Variants in CCNA1 observed in about 807,000 individuals in gnomAD.
CCNA1 encodes the protein cyclin A1, also known as cyclin-A1.
Under a neutral mutation model 54.1 loss-of-function variants are expected in CCNA1, and 23 were observed. The observed-to-expected ratio is 0.42, with a 90% CI of 0.31 to 0.60. The LOEUF is 0.60. CCNA1 is among the 20% of genes least tolerant of loss of function. The pLI, the probability that CCNA1 is intolerant of heterozygous loss-of-function variation, is 0.14. For synonymous variants in CCNA1, 208 were observed against 213.9 expected (o/e 0.97, Z 0.24); for missense variants, 450 against 556.7 (o/e 0.81, Z 1.93).
intron 4 of CCNA1, 63 bp downstream of exon 4, chr13:36,438,254 A>T (rs2055832061): frequency 1.4e-6 from 2 of 1,477,974 alleles, no homozygotes; most frequent in African/African-American, 1.4e-5. Flanking sequence ...AAGATAAATT[A>T]TAAACTCTTG....
At chr13:36,439,934 G>C (rs774303787) in intron 5 of CCNA1, 45 bp from the exon 6 acceptor site, 1 of 1,375,044 alleles carries the variant, frequency 7.3e-7, no homozygotes, top group Non-Finnish European at 1.0e-6. Context: ...CAGGAGTAGA[G>C]CCAAAGGTTC....
Position 36,441,134 on chromosome 13 carries a change from G to A in CCNA1, c.1115G>A (p.Ser372Asn), listed in dbSNP as rs767692772. The change falls in exon 7 of 9, where the codon AGT becomes AAT. Residue 372 changes from serine to asparagine, a missense_variant. By Grantham distance (46) the Ser-to-Asn change is conservative. This residue lies in a region of CCNA1 where 150 missense variants were observed against 219.7 expected (regional missense o/e 0.68). Transcript: ENST00000255465. ...TGTGCTTAGTACGTAGCAGAGCTGA[G>A]TCTACTTGAAGCAGATCCATTCTTG... 1.3e-5 allele frequency: 21 copies of A among 1,604,744 alleles called. No individual in the cohort carries two copies. Among genetic ancestry groups the A allele is most frequent in the Non-Finnish European group, 1.8e-5 (21 of 1,172,260 alleles).
At chr13:36,436,695 A>G (rs2055809502) in intron 2 of CCNA1, among the ~76,000 whole-genome samples, 3 of 152,102 alleles carry the variant, frequency 2.0e-5, no homozygotes, top group South Asian at 2.1e-4. Context: ...TTTCCCCCCA[A>G]TTACTACCAT....
Position 36,432,518 on chromosome 13 carries a change from A to G in CCNA1, c.-104A>G. 2 of 664,658 alleles carry G rather than the reference A, an allele frequency of 3.0e-6. No homozygotes were observed. Among genetic ancestry groups the G allele is most frequent in the Non-Finnish European group, 5.2e-6 (2 of 382,670 alleles). 41.2% of individuals were successfully genotyped at this position (664,658 alleles called of 1,614,324 possible). A position where few individuals can be genotyped will look rare whatever the true frequency, so the allele number is the denominator to read the frequency against. The stretch of plus-strand genomic sequence containing the variant: ...CCAGTTGTTCCGGACACATAGAAAG[A>G]TAACGACGGGAAGAGCGGGGCCCGC... On this transcript the variant is annotated 5_prime_UTR_variant, in exon 1 of 9. Transcript: ENST00000255465.
At chr13:36,439,332 AAG>A (rs2055847837) in intron 5 of CCNA1, among the ~76,000 whole-genome samples, 1 of 152,156 alleles carries the variant, frequency 6.6e-6, no homozygotes, top group Non-Finnish European at 1.5e-5. Context: ...TGTGTGGGAA[AAG>A]AGAGCTGGGT....
chr13:36,435,245 T>G (rs920396587), intron 2 of CCNA1, among the ~76,000 whole-genome samples: 4 of 152,226 alleles, frequency 2.6e-5, no homozygotes, highest in Admixed American at 2.0e-4. Context: ...TGAGAGTTTG[T>G]CGTATCTTGA....
intron 2 of CCNA1, among the ~76,000 whole-genome samples, chr13:36,435,220 T>G (rs548250300): frequency 3.9e-5 from 6 of 152,246 alleles, no homozygotes; most frequent in Non-Finnish European, 7.3e-5. Context: ...CTATCCCATT[T>G]AAAGCCACAT....
At chr13:36,440,311 A>G (rs2055860368) in intron 6 of CCNA1, 128 bp downstream of exon 6, 2 of 813,132 alleles carry the variant, frequency 2.5e-6, no homozygotes, top group Non-Finnish European at 3.9e-6. Flanking sequence ...AAACTGTTCC[A>G]GTGCTGAAAA....
At position 36,433,182 on chromosome 13, in the gene CCNA1, G is replaced by A. The variant is rs1404690352; in HGVS notation, c.258G>A (p.Leu86=). The A allele has an allele frequency of 8.1e-6, 13 of 1,613,724 alleles. No homozygotes were observed. The highest frequency in any genetic ancestry group is 1.1e-5 in the Non-Finnish European group (13 of 1,179,882). ...CCCCGCAGAGGACAGTGCTAGGGCTGCTAACTGCAAATGGGCAGTACAGGA... is the reference window on the plus strand; with the variant it reads ...CCCCGCAGAGGACAGTGCTAGGGCTACTAACTGCAAATGGGCAGTACAGGA... Residue 86 remains leucine, a synonymous_variant, in exon 2 of 9, where the codon CTG becomes CTA. Transcript: ENST00000255465.
intron 8 of CCNA1, 79 bp from the exon 9 acceptor site, chr13:36,442,535 G>A (rs2055887724): frequency 1.4e-6 from 2 of 1,446,432 alleles, no homozygotes; most frequent in African/African-American, 1.4e-5. Flanking sequence ...TAAAACTACT[G>A]GAAAGTTTTC....
Position 36,441,213 on chromosome 13 carries a change from T to C in CCNA1, c.1194T>C (p.Thr398=). ...CAGCTTTTTGCCTGGCAAACTATAC[T>C]GTGAACAAGCACTTTTGGGTAAGAT... is the stretch of plus-strand genomic sequence containing the variant. Residue 398 remains threonine, a synonymous_variant, in exon 7 of 9, where the codon ACT becomes ACC. Transcript: ENST00000255465. 6.2e-7 allele frequency: 1 copy of C among 1,604,936 alleles called. No homozygotes were observed. The highest frequency in any genetic ancestry group is 1.1e-5 in the South Asian group (1 of 90,724).
chr13:36,439,715 G>T (rs893326697), intron 5 of CCNA1, among the ~76,000 whole-genome samples: 8 of 152,106 alleles, frequency 5.3e-5, no homozygotes, highest in African/African-American at 1.7e-4. Flanking sequence ...TGTATCACAG[G>T]CCCAAACCTA....
At chr13:36,439,773 A>G (rs887100039) in intron 5 of CCNA1, among the ~76,000 whole-genome samples, 16 of 152,192 alleles carry the variant, frequency 1.1e-4, no homozygotes, top group Middle Eastern at 3.2e-3. Context: ...AGCAGTAAAT[A>G]TAACCTATCC....
rs574534617 is a variant in CCNA1, at chr13:36,440,258, C to T, written c.1098+75C>T. On this transcript the variant is annotated intron_variant, in intron 6 of 8. Coordinates refer to ENST00000255465, the MANE Select transcript of CCNA1 (RefSeq NM_003914.4). ...AAATCAACCTTTCCCAATCATCCTTCAGTTCTTTTTTCCTTTTCAGTTTTC... is the reference window on the plus strand; with the variant it reads ...AAATCAACCTTTCCCAATCATCCTTTAGTTCTTTTTTCCTTTTCAGTTTTC... 121 of 1,275,328 alleles carry T rather than the reference C, an allele frequency of 9.5e-5. 1 individual carries two copies. The African/African-American group carries it at 1.6e-3, about 17-fold the overall frequency. The allele number at this position is 1,275,328 out of a possible 1,614,324, so 79.0% of individuals were successfully genotyped here.
intron 2 of CCNA1, among the ~76,000 whole-genome samples, chr13:36,435,464 G>A (rs1165849887): frequency 6.6e-6 from 1 of 152,174 alleles, no homozygotes; most frequent in Non-Finnish European, 1.5e-5. Flanking sequence ...TTCCTCGACT[G>A]ATCAGCATTA....
intron 5 of CCNA1, among the ~76,000 whole-genome samples, chr13:36,439,663 G>A (rs1364761475): frequency 6.6e-6 from 1 of 152,166 alleles, no homozygotes; most frequent in Non-Finnish European, 1.5e-5. Context: ...TGTAGAATGT[G>A]TAGGAATTTA....
Position 36,439,992 on chromosome 13 carries a change from A to C in CCNA1, c.907A>C (p.Ile303Leu). Reference sequence around the variant, plus strand: ...TTCCTTTCCCAGGAAATATGAAGAGATATATCCTCCTGAAGTAGACGAGTT... The same window carrying C: ...TTCCTTTCCCAGGAAATATGAAGAGCTATATCCTCCTGAAGTAGACGAGTT... Residue 303 changes from isoleucine (I) to leucine (L), a missense_variant, in exon 6 of 9, where the codon ATA becomes CTA. Ile to Leu is a conservative substitution (Grantham distance 5). This residue lies in a region of CCNA1 where 150 missense variants were observed against 219.7 expected (regional missense o/e 0.68). Coordinates refer to ENST00000255465, the MANE Select transcript of CCNA1 (RefSeq NM_003914.4). 6.2e-7 allele frequency: 1 copy of C among 1,609,208 alleles called. No individual in the cohort carries two copies. The highest frequency in any genetic ancestry group is 8.5e-7 in the Non-Finnish European group (1 of 1,175,784).
Position 36,442,806 on chromosome 13 carries a change from CTTAGACT to C in CCNA1, c.*146_*152del. 1 of 716,764 alleles carries C rather than the reference CTTAGACT, an allele frequency of 1.4e-6. No homozygotes were observed. The highest frequency in any genetic ancestry group is 2.4e-6 in the Non-Finnish European group (1 of 421,992). 44.4% of individuals were successfully genotyped at this position (716,764 alleles called of 1,614,324 possible). On this transcript the variant is annotated 3_prime_UTR_variant, in exon 9 of 9. Transcript: ENST00000255465. Reference sequence around the variant, plus strand: ...AAAAATGTAAATGAATTTAGTTTCCCTTAGACTTTAGTAGTTTGTAATATAGTCCAAC... The same window carrying C: ...AAAAATGTAAATGAATTTAGTTTCCCTTAGTAGTTTGTAATATAGTCCAAC...
At chr13:36,439,714 G>A (rs2055851415) in intron 5 of CCNA1, among the ~76,000 whole-genome samples, 1 of 152,114 alleles carries the variant, frequency 6.6e-6, no homozygotes, top group Non-Finnish European at 1.5e-5. Context: ...GTGTATCACA[G>A]GCCCAAACCT....
Sources: gnomAD v4.1 joint callset for allele counts (sites outside exome capture counted in the v4.1 genomes callset) on GRCh38, gnomAD v4.1.1 for gene constraint, gnomAD v4.1.1 regional missense constraint, MANE v1.5 for transcripts, NCBI Gene and HGNC (gene_info 2026-07-23, HGNC 2026-07-21) for gene names.